NIF3L1: variants seen among roughly 807,000 people sequenced by gnomAD.
NIF3L1 encodes NIF3-like protein 1.
A neutral mutation model predicts 35.0 loss-of-function variants in NIF3L1; 26 were observed. The observed-to-expected ratio is 0.74, with a 90% CI of 0.54 to 1.03. The LOEUF is 1.03. Among genes scored for constraint, NIF3L1 ranks in the 50% least tolerant of loss-of-function variants. The pLI is 0.00. For missense variants in NIF3L1, 449 were observed against 466.3 expected, an observed-to-expected ratio of 0.96 and a Z score of 0.34; for synonymous variants, 157 against 178.9, an observed-to-expected ratio of 0.88 and a Z score of 0.98.
intron 1 of NIF3L1, among the ~76,000 whole-genome samples, chr2:200,890,802 C>T (rs1300706343): frequency 6.6e-6 from 1 of 152,082 alleles, no homozygotes; most frequent in Non-Finnish European, 1.5e-5. Context: ...TATCCCCTCC[C>T]ACCTCTTGAG....
chr2:200,895,448 A>G, intron 4 of NIF3L1, 58 bp downstream of exon 4: 2 of 1,555,228 alleles, frequency 1.3e-6, no homozygotes, highest in Non-Finnish European at 1.8e-6. Context: ...TTCTAACAGT[A>G]TAATTGAGGT....
intron 6 of NIF3L1, 114 bp from the exon 7 acceptor site, chr2:200,903,380 C>A: frequency 1.3e-6 from 1 of 787,876 alleles, no homozygotes; most frequent in Non-Finnish European, 2.2e-6. Context: ...AACAGTTCTG[C>A]TCTATTACAT....
At chr2:200,895,648 G>C (rs758019324) in intron 4 of NIF3L1, among the ~76,000 whole-genome samples, 52 of 152,162 alleles carry the variant, frequency 3.4e-4, no homozygotes, top group African/African-American at 1.1e-3. Flanking sequence ...ATGGCAATGA[G>C]AGCATAATAT....
chr2:200,895,249 AT>A lies in NIF3L1; in HGVS notation c.600-10del, dbSNP rs200119994. The A allele has an allele frequency of 8.1e-3, 13,005 of 1,611,942 alleles. 76 individuals are homozygous for A. The highest frequency in any genetic ancestry group is 0.01 in the Non-Finnish European group (11,899 of 1,178,412). On this transcript the variant is annotated splice_polypyrimidine_tract_variant and intron_variant, in intron 3 of 6. Transcript: ENST00000409020. Reference sequence around the variant, plus strand: ...GGCTATATTTGTCCTAAATGGAGTGATTTTTCCCCCCTAGGACTGGTAATGA... The same window carrying A: ...GGCTATATTTGTCCTAAATGGAGTGATTTTCCCCCCTAGGACTGGTAATGA...
chr2:200,891,630 A>G, intron 1 of NIF3L1: 1 of 318,094 alleles, frequency 3.1e-6, no homozygotes, highest in Non-Finnish European at 5.8e-6. Flanking sequence ...AAGGCAGGAG[A>G]TGGGATGGAC....
chr2:200,889,357 G>T (rs1408597768), upstream of NIF3L1: 1 of 292,250 alleles, frequency 3.4e-6, no homozygotes, highest in Non-Finnish European at 6.8e-6. Context: ...CGCCGACGCG[G>T]GACCGGAAGT....
chr2:200,892,502 A>G (rs1475010604), intron 2 of NIF3L1, 123 bp downstream of exon 2: 3 of 676,552 alleles, frequency 4.4e-6, no homozygotes, highest in Admixed American at 3.6e-5. Context: ...TTTATATAAT[A>G]ATTTTAAAAT....
intron 6 of NIF3L1, among the ~76,000 whole-genome samples, chr2:200,899,926 C>T (rs2040384520): frequency 6.6e-6 from 1 of 152,176 alleles, no homozygotes; most frequent in Admixed American, 6.5e-5. Flanking sequence ...CTTCCATATA[C>T]TCTCCTGAAA....
At position 200,899,451 on chromosome 2, in the gene NIF3L1, C is replaced by A; in HGVS notation, c.932C>A (p.Ala311Asp). ...SGSSVLQGVE[A>D]DLYLTGEMSH... ...AGCAGCGTTCTGCAGGGTGTTGAGG[C>A]TGACCTTTACCTCACAGGTAGGACA... Residue 311 changes from alanine to aspartate, a missense_variant, in exon 6 of 7, where the codon GCT becomes GAT. By Grantham distance (126) the Ala-to-Asp change is moderately radical. Coordinates refer to ENST00000409020, the MANE Select transcript of NIF3L1 (RefSeq NM_001369441.2). The A allele has an allele frequency of 6.2e-7, 1 of 1,613,974 alleles. No individual in the cohort carries two copies. The highest frequency in any genetic ancestry group is 8.5e-7 in the Non-Finnish European group (1 of 1,179,884).
chr2:200,893,216 A>G, intron 2 of NIF3L1, 30 bp from the exon 3 acceptor site: 1 of 1,463,728 alleles, frequency 6.8e-7, no homozygotes, highest in East Asian at 2.5e-5. Context: ...ACCCCCCAAA[A>G]CTCCCATTTT....
In NIF3L1 at chr2:200,891,995, T is replaced by G. The variant is rs771275337; in HGVS notation, c.52T>G (p.Ser18Ala). The change falls in exon 2 of 7, where the codon TCC (serine) becomes GCC (alanine). Residue 18 changes from serine (S) to alanine (A), a missense_variant. Ser to Ala is a moderately conservative substitution (Grantham distance 99, BLOSUM62 1). Coordinates refer to ENST00000409020, the MANE Select transcript of NIF3L1 (RefSeq NM_001369441.2). The part of the protein sequence containing the change: ...PVPTTVRFVD[S>A]LICNSSRSFM... ...CCCCACGACAGTCCGGTTTGTAGAT[T>G]CCCTGATCTGCAATTCTTCCCGTTC... 18 of 1,614,002 alleles carry G rather than the reference T, an allele frequency of 1.1e-5. No homozygotes were observed. In the East Asian group the frequency reaches 1.8e-4, roughly 16 times the overall value.
At chr2:200,897,685 G>A (rs773652850) in intron 5 of NIF3L1, among the ~76,000 whole-genome samples, 3 of 152,204 alleles carry the variant, frequency 2.0e-5, no homozygotes, top group African/African-American at 7.2e-5. Context: ...GCACTTATAA[G>A]ACTGGTAATA....
Position 200,892,111 on chromosome 2 carries a change from G to T in NIF3L1, c.168G>T (p.Val56=). 3.1e-6 allele frequency: 5 copies of T among 1,614,168 alleles called. No homozygotes were observed. The highest frequency in any genetic ancestry group is 4.2e-6 in the Non-Finnish European group (5 of 1,180,036). Residue 56 remains valine, a synonymous_variant, in exon 2 of 7, where the codon GTG becomes GTT. Coordinates refer to ENST00000409020, the MANE Select transcript of NIF3L1 (RefSeq NM_001369441.2). ...GTTGGGACAATGTTGGATTACTGGT[G>T]GAACCAAGCCCACCACATACTGTAA... ...AESWDNVGLL[V]EPSPPHTVNT...
At chr2:200,896,975 A>G in intron 4 of NIF3L1, 101 bp from the exon 5 acceptor site, 1 of 1,137,772 alleles carries the variant, frequency 8.8e-7, no homozygotes, top group South Asian at 1.5e-5. Context: ...TTTAGCCTGG[A>G]GCTTGCTATA....
Position 200,892,039 on chromosome 2 carries a change from T to A in NIF3L1, c.96T>A (p.Ala32=), listed in dbSNP as rs1311311354. The change falls in exon 2 of 7, where the codon GCT becomes GCA. Residue 32 remains alanine, a synonymous_variant. Coordinates refer to ENST00000409020, the MANE Select transcript of NIF3L1 (RefSeq NM_001369441.2). ...CCCGTTCCTTCATGGATTTGAAGGC[T>A]CTCCTTTCTTCCTTGAATGACTTTG... ...NSSRSFMDLK[A]LLSSLNDFAS... 6.2e-7 allele frequency: 1 copy of A among 1,614,094 alleles called. No homozygotes were observed. The highest frequency in any genetic ancestry group is 8.5e-7 in the Non-Finnish European group (1 of 1,179,930).
chr2:200,898,812 C>T (rs1029082184), intron 5 of NIF3L1, among the ~76,000 whole-genome samples: 2 of 152,134 alleles, frequency 1.3e-5, no homozygotes, highest in Non-Finnish European at 2.9e-5. Flanking sequence ...GTGCCAAATC[C>T]ATTTGTAGCA....
chr2:200,891,807 T>C (rs1281313265), intron 1 of NIF3L1, 111 bp from the exon 2 acceptor site: 1 of 663,824 alleles, frequency 1.5e-6, no homozygotes, highest in Admixed American at 2.9e-5. Flanking sequence ...GCAGAGCCAC[T>C]ATTTGAACCC....
chr2:200,896,770 G>C (rs993681003), intron 4 of NIF3L1, among the ~76,000 whole-genome samples: 3 of 152,146 alleles, frequency 2.0e-5, no homozygotes, highest in Non-Finnish European at 2.9e-5. Context: ...TTTTTGTGGA[G>C]ATGAGGTCTC....
At chr2:200,895,516 T>A in intron 4 of NIF3L1, 126 bp downstream of exon 4, 1 of 884,166 alleles carries the variant, frequency 1.1e-6, no homozygotes, top group East Asian at 2.6e-5. Context: ...ATTGATATAC[T>A]AAGAATTGTA....
Sources: allele counts gnomAD v4.1 joint callset (sites outside exome capture counted in the v4.1 genomes callset), GRCh38; gene constraint gnomAD v4.1.1; transcripts MANE v1.5; gene names NCBI Gene and HGNC (gene_info 2026-07-23, HGNC 2026-07-21).